The following ALK variants were observed in gnomAD, a reference collection of about 807,000 sequenced individuals.
The protein encoded by ALK is ALK receptor tyrosine kinase.
In ALK, 74 loss-of-function variants were observed where a neutral mutation model predicts 163.1. The observed-to-expected ratio is 0.45, with a 90% CI of 0.38 to 0.55. The LOEUF (loss-of-function observed/expected upper bound fraction) is 0.55. Among genes scored for constraint, ALK ranks in the 20% least tolerant of loss-of-function variants. The pLI, the probability that ALK is intolerant of heterozygous loss-of-function variation, is 0.00. For missense variants in ALK, 2,063 were observed against 2,105.3 expected (o/e 0.98, Z 0.39); for synonymous variants, 960 against 843.2 (o/e 1.14, Z -2.40).
At chr2:29,916,806 A>G (rs896218354) in intron 1 of ALK, among the ~76,000 whole-genome samples, 1 of 152,194 alleles carries the variant, frequency 6.6e-6, no homozygotes, top group Non-Finnish European at 1.5e-5. Flanking sequence ...AAGCCAGGAT[A>G]CAAACTGGAG....
chr2:29,310,647 A>G lies in ALK; in HGVS notation c.1647+7657T>C, dbSNP rs1666670564. Among the ~76,000 whole-genome samples, 3 of 152,204 alleles carry G rather than the reference A, an allele frequency of 2.0e-5. No homozygotes were observed. The South Asian group carries it at 6.2e-4, about 31-fold the overall frequency. Reference sequence around the variant, plus strand: ...AGATTCCTGTGGGCTATCTCCCCGCATGGCTGGCCACACGGCAGGTTTGAA... The same window carrying G: ...AGATTCCTGTGGGCTATCTCCCCGCGTGGCTGGCCACACGGCAGGTTTGAA... On this transcript the variant is annotated intron_variant, in intron 8 of 28. Transcript: ENST00000389048.
chr2:29,532,444 A>C (rs1235690591), intron 3 of ALK, among the ~76,000 whole-genome samples: 1 of 152,218 alleles, frequency 6.6e-6, no homozygotes. Context: ...TCTATTTCAA[A>C]AGACTCTTGT....
At chr2:29,406,653 G>T (rs1669591194) in intron 4 of ALK, among the ~76,000 whole-genome samples, 1 of 152,100 alleles carries the variant, frequency 6.6e-6, no homozygotes. Flanking sequence ...TGTAATTCCA[G>T]CACTTTGGGA....
At chr2:29,619,619 C>T (rs17729272) in intron 3 of ALK, among the ~76,000 whole-genome samples, 3,805 of 152,298 alleles carry the variant, frequency 0.025, 43 homozygotes, top group Middle Eastern at 0.048. Flanking sequence ...CTGACTTACA[C>T]GGGCTTTGTG....
intron 1 of ALK, among the ~76,000 whole-genome samples, chr2:29,841,520 A>G (rs1436681079): frequency 2.6e-5 from 4 of 152,186 alleles, no homozygotes; most frequent in African/African-American, 9.6e-5. Context: ...CAGTACTGCC[A>G]TTACAGTTGA....
At chr2:29,349,311 A>G (rs1255965535) in intron 5 of ALK, among the ~76,000 whole-genome samples, 1 of 152,164 alleles carries the variant, frequency 6.6e-6, no homozygotes, top group East Asian at 1.9e-4. Flanking sequence ...GTTCTTGACA[A>G]TAGGCCACAG....
chr2:29,390,599 CCT>C (rs1189627074), intron 4 of ALK, among the ~76,000 whole-genome samples: 2 of 150,820 alleles, frequency 1.3e-5, no homozygotes, highest in Non-Finnish European at 3.0e-5. Flanking sequence ...AACATTTGAA[CCT>C]CTCTCTCTAA....
intron 1 of ALK, among the ~76,000 whole-genome samples, chr2:29,882,132 G>A (rs1666884449): frequency 6.6e-6 from 1 of 152,186 alleles, no homozygotes; most frequent in Admixed American, 6.5e-5. Flanking sequence ...CCATGAAAAG[G>A]TTGTGAAGGA....
intron 4 of ALK, among the ~76,000 whole-genome samples, chr2:29,484,698 C>G (rs971451408): frequency 2.0e-5 from 3 of 152,118 alleles, no homozygotes; most frequent in Non-Finnish European, 4.4e-5. Context: ...AGAAATACAT[C>G]CTTCAATAGT....
In ALK at chr2:29,902,412, T is replaced by C. The variant is rs141300732; in HGVS notation, c.667+17581A>G. Among the ~76,000 whole-genome samples the C allele has an allele frequency of 2.4e-4, 36 of 152,204 alleles. 1 individual carries two copies. In the South Asian group the frequency reaches 3.5e-3, roughly 15 times the overall value. On this transcript the variant is annotated intron_variant, in intron 1 of 28. Coordinates refer to ENST00000389048, the MANE Select transcript of ALK (RefSeq NM_004304.5). ...TCTGCATCTTTCCAAATCTTCCCTC[T>C]CCTCCACCCCAGATTCCTGACCCCA...
At chr2:29,380,005 C>A (rs923703691) in intron 5 of ALK, among the ~76,000 whole-genome samples, 1 of 151,978 alleles carries the variant, frequency 6.6e-6, no homozygotes, top group African/African-American at 2.4e-5. Context: ...GCTGGGGAGG[C>A]CTTAGGAAAC....
chr2:29,331,340 A>G (rs1430874456), intron 5 of ALK, among the ~76,000 whole-genome samples: 1 of 152,190 alleles, frequency 6.6e-6, no homozygotes, highest in Non-Finnish European at 1.5e-5. Context: ...ATCTCACCCA[A>G]CACGGATGGA....
intron 3 of ALK, among the ~76,000 whole-genome samples, chr2:29,670,272 A>C (rs1261489177): frequency 6.6e-6 from 1 of 152,168 alleles, no homozygotes; most frequent in African/African-American, 2.4e-5. Context: ...TTGAAGAATA[A>C]TTTTGCTGAG....
chr2:29,873,349 A>T (rs1666624805), intron 1 of ALK, among the ~76,000 whole-genome samples: 1 of 152,194 alleles, frequency 6.6e-6, no homozygotes, highest in Admixed American at 6.5e-5. Flanking sequence ...TGCAGAAAAG[A>T]TGTGTGCTGG....
At chr2:29,813,900 G>C (rs1664822210) in intron 1 of ALK, among the ~76,000 whole-genome samples, 1 of 152,148 alleles carries the variant, frequency 6.6e-6, no homozygotes, top group Non-Finnish European at 1.5e-5. Flanking sequence ...ATTCTATTAA[G>C]TCCATGGCTG....
chr2:29,756,718 G>T (rs989382926), intron 1 of ALK, among the ~76,000 whole-genome samples: 2 of 151,936 alleles, frequency 1.3e-5, no homozygotes, highest in African/African-American at 4.8e-5. Context: ...GTAGAGACAG[G>T]GTTTCACCAT....
At chr2:29,705,274 T>TATATATATAA (rs1558451277) in intron 2 of ALK, among the ~76,000 whole-genome samples, 3 of 51,824 alleles carry the variant, frequency 5.8e-5, no homozygotes, top group Non-Finnish European at 9.8e-5. Flanking sequence ...TATATATATA[T>TATATATATAA]ATATATAAAT....
chr2:29,402,080 G>A (rs1015624196), intron 4 of ALK, among the ~76,000 whole-genome samples: 4 of 152,222 alleles, frequency 2.6e-5, no homozygotes, highest in Admixed American at 6.5e-5. Flanking sequence ...GAGATCAGTG[G>A]AGGAAGGGAA....
intron 5 of ALK, among the ~76,000 whole-genome samples, chr2:29,365,582 C>A (rs1196205360): frequency 6.6e-6 from 1 of 152,230 alleles, no homozygotes; most frequent in Non-Finnish European, 1.5e-5. Flanking sequence ...ACACACTCTG[C>A]ATCCTGTCTT....
Sources: gnomAD v4.1 joint callset for allele counts (sites outside exome capture counted in the v4.1 genomes callset) on GRCh38, gnomAD v4.1.1 for gene constraint, MANE v1.5 for transcripts, NCBI Gene and HGNC (gene_info 2026-07-23, HGNC 2026-07-21) for gene names.